The following JAKMIP2 variants were observed in gnomAD, a reference collection of about 807,000 sequenced individuals.
The protein encoded by JAKMIP2 is janus kinase and microtubule-interacting protein 2.
Under a neutral mutation model 115.0 loss-of-function variants are expected in JAKMIP2, and 25 were observed. That is an observed-to-expected ratio of 0.22 (90% CI 0.16 to 0.30). The LOEUF (loss-of-function observed/expected upper bound fraction) is 0.30, where lower values mean the gene tolerates loss of function less well. Ranked by LOEUF, JAKMIP2 falls within the 10% of genes least tolerant of loss-of-function variation. The pLI, the probability that JAKMIP2 is intolerant of heterozygous loss-of-function variation, is 1.00. For missense variants in JAKMIP2, 642 were observed against 957.6 expected (o/e 0.67, Z 4.35); for synonymous variants, 334 against 343.6 (o/e 0.97, Z 0.31).
rs1484573645 is a variant in JAKMIP2 at position 147,587,981 on chromosome 5, C to A, written c.*3726G>T. On this transcript the variant is annotated 3_prime_UTR_variant, in exon 22 of 22. Transcript: ENST00000616793. Reference sequence around the variant, plus strand: ...AAAAAAAATTAAATCAAGATCTATTCTTCCACCCCTAAAACCTAACTGTTG... The same window carrying A: ...AAAAAAAATTAAATCAAGATCTATTATTCCACCCCTAAAACCTAACTGTTG... 2.7e-5 allele frequency: 4 copies of A among 150,090 alleles called. No homozygotes were observed. The highest frequency in any genetic ancestry group is 5.9e-5 in the Non-Finnish European group (4 of 67,560). The allele number at this position is 150,090 out of a possible 1,614,324, so 9.3% of individuals were successfully genotyped here.
At chr5:147,636,837 C>T (rs1030871595) in intron 11 of JAKMIP2, 128 bp downstream of exon 11, 41 of 775,004 alleles carry the variant, frequency 5.3e-5, no homozygotes, top group East Asian at 5.1e-4. Context: ...AACATTCTAA[C>T]GCAGTTCGAG....
intron 1 of JAKMIP2, among the ~76,000 whole-genome samples, chr5:147,741,225 T>C (rs935903584): frequency 6.6e-6 from 1 of 152,180 alleles, no homozygotes; most frequent in East Asian, 1.9e-4. Context: ...TTTCTTCAAA[T>C]ATAAATTAAT....
intron 1 of JAKMIP2, among the ~76,000 whole-genome samples, chr5:147,705,823 AT>A (rs925350975): frequency 2.6e-5 from 4 of 152,262 alleles, no homozygotes; most frequent in East Asian, 1.9e-4. Flanking sequence ...CTATAGTTCT[AT>A]TTTTTATGTA....
intron 12 of JAKMIP2, among the ~76,000 whole-genome samples, chr5:147,635,770 A>T (rs1285511430): frequency 6.6e-6 from 1 of 152,180 alleles, no homozygotes; most frequent in Non-Finnish European, 1.5e-5. Context: ...CATGTTGGCC[A>T]GGCTGGTCTC....
At chr5:147,665,253 A>G (rs1282505018) in intron 2 of JAKMIP2, among the ~76,000 whole-genome samples, 1 of 152,236 alleles carries the variant, frequency 6.6e-6, no homozygotes, top group Non-Finnish European at 1.5e-5. Flanking sequence ...GGAGTTGAGT[A>G]GTTTCACAGA....
At chr5:147,645,043 G>C in intron 5 of JAKMIP2, 47 bp from the exon 6 acceptor site, 1 of 1,593,066 alleles carries the variant, frequency 6.3e-7, no homozygotes, top group Non-Finnish European at 8.6e-7. Context: ...TGGGGGACGT[G>C]GGGGCAGGGG....
At position 147,590,257 on chromosome 5, in the gene JAKMIP2, G is replaced by C. The variant is rs560041026; in HGVS notation, c.*1450C>G. ...ATATTCTCTATGCATGGGAATTCTA[G>C]CCCCATAAATAAAACTTCAAAAATT... On this transcript the variant is annotated 3_prime_UTR_variant, in exon 22 of 22. Coordinates refer to ENST00000616793, the MANE Select transcript of JAKMIP2 (RefSeq NM_001270941.2). The C allele has an allele frequency of 1.2e-3, 189 of 152,282 alleles. No homozygotes were observed. The highest frequency in any genetic ancestry group is 4.5e-3 in the African/African-American group (187 of 41,552). The allele number at this position is 152,282 out of a possible 1,614,324, so 9.4% of individuals were successfully genotyped here.
intron 1 of JAKMIP2, among the ~76,000 whole-genome samples, chr5:147,751,256 G>GTTTTTTTTTTTTTTTTTTTTT (rs59032563): frequency 7.6e-6 from 1 of 131,598 alleles, no homozygotes; most frequent in African/African-American, 2.8e-5. Context: ...TTTTGTTGTT[G>GTTTTTTTTTTTTTTTTTTTTT]TTTTTTTTTT....
chr5:147,764,447 C>T (rs1755039014), intron 1 of JAKMIP2, among the ~76,000 whole-genome samples: 1 of 108,480 alleles, frequency 9.2e-6, no homozygotes, highest in Admixed American at 1.3e-4. Context: ...GGAAAAGCAA[C>T]ATTAAAGAAG....
rs1027891341 is a variant in JAKMIP2 at position 147,591,399 on chromosome 5, A to G, written c.*308T>C. On this transcript the variant is annotated 3_prime_UTR_variant, in exon 22 of 22. Coordinates refer to ENST00000616793, the MANE Select transcript of JAKMIP2 (RefSeq NM_001270941.2). ...TGCTTGATCTGCAGAAACTAGTTCCATTGCTGAACTTTTTCTTTACACAAT... is the reference window on the plus strand; with the variant it reads ...TGCTTGATCTGCAGAAACTAGTTCCGTTGCTGAACTTTTTCTTTACACAAT... 2.2e-5 allele frequency: 9 copies of G among 410,946 alleles called. 1 individual carries two copies. In the South Asian group the frequency reaches 3.2e-4, roughly 15 times the overall value. The allele number at this position is 410,946 out of a possible 1,614,324, so 25.5% of individuals were successfully genotyped here.
intron 20 of JAKMIP2, among the ~76,000 whole-genome samples, chr5:147,603,595 T>A (rs1423897796): frequency 2.0e-5 from 3 of 152,158 alleles, no homozygotes; most frequent in African/African-American, 7.2e-5. Context: ...GAGTAGAAGG[T>A]GAATCATAAA....
At chr5:147,645,506 T>C (rs1758091824) in intron 5 of JAKMIP2, among the ~76,000 whole-genome samples, 1 of 152,160 alleles carries the variant, frequency 6.6e-6, no homozygotes, top group African/African-American at 2.4e-5. Flanking sequence ...GTTGTTATTT[T>C]AAAAGAAATT....
At chr5:147,686,934 G>A (rs1360297779) in intron 1 of JAKMIP2, among the ~76,000 whole-genome samples, 1 of 151,946 alleles carries the variant, frequency 6.6e-6, no homozygotes, top group Non-Finnish European at 1.5e-5. Flanking sequence ...AACTTATTAG[G>A]AAAAACAAAT....
At chr5:147,764,969 G>GAGA (rs1561582766) in intron 1 of JAKMIP2, among the ~76,000 whole-genome samples, 6 of 33,900 alleles carry the variant, frequency 1.8e-4, no homozygotes, top group African/African-American at 1.6e-4. Context: ...AGAGAGAGGG[G>GAGA]GAGAGAGAGA....
Position 147,702,439 on chromosome 5 carries a change from TAGGA to T in JAKMIP2, c.-148-30489_-148-30486del, listed in dbSNP as rs377372312. On this transcript the variant is annotated intron_variant, in intron 1 of 21. Transcript: ENST00000616793. ...AGAAAGAAAGAGGAAGGAAGGAAGG[TAGGA>T]AGGAAGGAAGGAAGGAAGGAAGGGA... Among the ~76,000 whole-genome samples, 731 of 85,688 alleles carry T rather than the reference TAGGA, an allele frequency of 8.5e-3. 3 individuals are homozygous for T. The highest frequency in any genetic ancestry group is 0.018 in the South Asian group (45 of 2,548). 56.2% of individuals were successfully genotyped at this position (85,688 alleles called of 152,430 possible). A position where few individuals can be genotyped will look rare whatever the true frequency, so the allele number is the denominator to read the frequency against.
intron 1 of JAKMIP2, among the ~76,000 whole-genome samples, chr5:147,715,855 T>A (rs63203160): frequency 2.4e-4 from 35 of 143,820 alleles, no homozygotes; most frequent in African/African-American, 7.7e-4. Flanking sequence ...CTTTTTTTTT[T>A]AATTATACTT....
At chr5:147,692,534 C>A (rs1379391655) in intron 1 of JAKMIP2, among the ~76,000 whole-genome samples, 1 of 152,176 alleles carries the variant, frequency 6.6e-6, no homozygotes, top group African/African-American at 2.4e-5. Flanking sequence ...TGTATCACAG[C>A]TTGTGGTTAT....
At chr5:147,754,959 G>A (rs1175627462) in intron 1 of JAKMIP2, among the ~76,000 whole-genome samples, 1 of 152,152 alleles carries the variant, frequency 6.6e-6, no homozygotes, top group Non-Finnish European at 1.5e-5. Flanking sequence ...TTGGGGGTAG[G>A]TGTGCACATG....
At chr5:147,669,860 C>T (rs1263178011) in intron 2 of JAKMIP2, among the ~76,000 whole-genome samples, 2 of 152,192 alleles carry the variant, frequency 1.3e-5, no homozygotes, top group Non-Finnish European at 2.9e-5. Flanking sequence ...TCTCACCTCA[C>T]TACTTTATCA....
Sources: gnomAD v4.1 joint callset for allele counts (sites outside exome capture counted in the v4.1 genomes callset) on GRCh38, gnomAD v4.1.1 for gene constraint, MANE v1.5 for transcripts, NCBI Gene and HGNC (gene_info 2026-07-23, HGNC 2026-07-21) for gene names.